CTNND2: variants seen among roughly 807,000 people sequenced by gnomAD.
The protein encoded by CTNND2 is catenin delta-2.
A neutral mutation model predicts 144.4 loss-of-function variants in CTNND2; 22 were observed. The observed-to-expected ratio is 0.15, with a 90% CI of 0.11 to 0.22. The LOEUF (loss-of-function observed/expected upper bound fraction) is 0.22. Among genes scored for constraint, CTNND2 ranks in the 10% least tolerant of loss-of-function variants. CTNND2 has a pLI of 1.00. For missense variants in CTNND2, 1,353 were observed against 1,618.8 expected (o/e 0.84, Z 2.82); for synonymous variants, 751 against 695.6 (o/e 1.08, Z -1.25).
intron 3 of CTNND2, among the ~76,000 whole-genome samples, chr5:11,522,912 G>A (rs539436896): frequency 5.3e-5 from 8 of 152,296 alleles, no homozygotes; most frequent in African/African-American, 1.7e-4. Context: ...GCACCCATGC[G>A]TTTGAATTAC....
intron 11 of CTNND2, among the ~76,000 whole-genome samples, chr5:11,171,404 A>G (rs1373969001): frequency 6.6e-6 from 1 of 152,208 alleles, no homozygotes; most frequent in Non-Finnish European, 1.5e-5. Context: ...ATCACTGGAT[A>G]ATAATATTAA....
Position 11,674,714 on chromosome 5 carries a change from T to TG in CTNND2, c.174+57421dup, listed in dbSNP as rs1784079355. Among the ~76,000 whole-genome samples the TG allele has an allele frequency of 7.4e-5, 11 of 148,692 alleles. No homozygotes were observed. In the East Asian group the frequency reaches 7.8e-4, roughly 11 times the overall value. On this transcript the variant is annotated intron_variant, in intron 2 of 21. Transcript: ENST00000304623. ...TGCATATGCAGTTTTTTTGTTTGTT[T>TG]GTTTGGTTGGTTGGTTGGTTGGTTG...
chr5:11,027,806 C>G (rs16901211), intron 16 of CTNND2, among the ~76,000 whole-genome samples: 2,899 of 152,238 alleles, frequency 0.019, 60 homozygotes, highest in East Asian at 0.13. Context: ...ACCTAACAAA[C>G]CATGTTGCCC....
chr5:11,336,678 A>T (rs1753755639), intron 9 of CTNND2, among the ~76,000 whole-genome samples: 1 of 152,224 alleles, frequency 6.6e-6, no homozygotes, highest in Admixed American at 6.5e-5. Context: ...GTTTATACAC[A>T]TGTGTACACA....
chr5:11,196,708 G>A (rs1240272194), intron 11 of CTNND2, among the ~76,000 whole-genome samples: 1 of 152,116 alleles, frequency 6.6e-6, no homozygotes, highest in African/African-American at 2.4e-5. Flanking sequence ...CCCAAAATGT[G>A]GACATGTTTG....
At chr5:11,878,287 A>G (rs1281626994) in intron 1 of CTNND2, among the ~76,000 whole-genome samples, 2 of 152,288 alleles carry the variant, frequency 1.3e-5, no homozygotes, top group East Asian at 1.9e-4. Flanking sequence ...TCTGATCCCT[A>G]AAGAATTTCT....
chr5:11,486,891 T>G (rs1768883961), intron 3 of CTNND2, among the ~76,000 whole-genome samples: 1 of 152,194 alleles, frequency 6.6e-6, no homozygotes, highest in Non-Finnish European at 1.5e-5. Context: ...TGCTGCTAAA[T>G]AGTTTGAAAT....
At chr5:11,718,126 C>T (rs1786458970) in intron 2 of CTNND2, among the ~76,000 whole-genome samples, 1 of 152,058 alleles carries the variant, frequency 6.6e-6, no homozygotes, top group Admixed American at 6.6e-5. Context: ...TTTCAATATT[C>T]GTATTTGTAG....
chr5:10,986,598 C>T (rs1453168463), intron 20 of CTNND2: 40 of 435,994 alleles, frequency 9.2e-5, no homozygotes, highest in South Asian at 5.8e-4. Flanking sequence ...TTCATCTACG[C>T]GGCAACATGT....
chr5:11,483,423 T>C (rs565529313), intron 3 of CTNND2, among the ~76,000 whole-genome samples: 110 of 152,262 alleles, frequency 7.2e-4, no homozygotes, highest in Non-Finnish European at 1.1e-3. Context: ...GCTGTGCAGT[T>C]CAAAGGAGAA....
At chr5:11,757,117 A>G (rs1048609679) in intron 1 of CTNND2, among the ~76,000 whole-genome samples, 3 of 151,804 alleles carry the variant, frequency 2.0e-5, no homozygotes, top group African/African-American at 7.3e-5. Context: ...CTATCAATTT[A>G]CATATATATG....
intron 18 of CTNND2, among the ~76,000 whole-genome samples, chr5:10,997,193 G>A (rs1181172515): frequency 6.6e-6 from 1 of 152,136 alleles, no homozygotes; most frequent in Non-Finnish European, 1.5e-5. Flanking sequence ...TCCTCCGGAG[G>A]GTGGAGGCAA....
At chr5:11,309,544 G>T (rs1465211712) in intron 9 of CTNND2, among the ~76,000 whole-genome samples, 1 of 152,208 alleles carries the variant, frequency 6.6e-6, no homozygotes, top group Non-Finnish European at 1.5e-5. Flanking sequence ...GATCTTGGAA[G>T]TAACTAACTT....
chr5:11,014,251 GACA>G (rs1183517306), intron 18 of CTNND2, among the ~76,000 whole-genome samples: 1 of 152,056 alleles, frequency 6.6e-6, no homozygotes, highest in Non-Finnish European at 1.5e-5. Flanking sequence ...CAGCCATCCT[GACA>G]GTTCCCCAAC....
intron 3 of CTNND2, among the ~76,000 whole-genome samples, chr5:11,488,004 G>A (rs569101670): frequency 6.6e-6 from 1 of 152,306 alleles, no homozygotes; most frequent in South Asian, 2.1e-4. Context: ...GGAAGATGCA[G>A]CAGATGCTGC....
chr5:11,251,501 GA>G (rs1415616902), intron 9 of CTNND2, among the ~76,000 whole-genome samples: 1 of 152,172 alleles, frequency 6.6e-6, no homozygotes, highest in African/African-American at 2.4e-5. Context: ...TTTTGAAACT[GA>G]ACTAATGGGA....
intron 10 of CTNND2, among the ~76,000 whole-genome samples, chr5:11,236,328 G>A (rs1207942394): frequency 2.0e-5 from 3 of 152,162 alleles, no homozygotes; most frequent in Admixed American, 2.0e-4. Flanking sequence ...GTAATTTGGA[G>A]ATAACAATTG....
intron 2 of CTNND2, among the ~76,000 whole-genome samples, chr5:11,607,425 T>C (rs770587630): frequency 1.3e-5 from 2 of 152,164 alleles, no homozygotes; most frequent in Non-Finnish European, 2.9e-5. Context: ...GATGAAAATA[T>C]GGCAAGAAAA....
chr5:11,495,101 A>T (rs1769805994), intron 3 of CTNND2, among the ~76,000 whole-genome samples: 1 of 152,162 alleles, frequency 6.6e-6, no homozygotes, highest in Non-Finnish European at 1.5e-5. Flanking sequence ...TTACGAAATC[A>T]TTTTGCCACA....
Sources: allele counts gnomAD v4.1 joint callset (sites outside exome capture counted in the v4.1 genomes callset), GRCh38; gene constraint gnomAD v4.1.1; transcripts MANE v1.5; gene names NCBI Gene and HGNC (gene_info 2026-07-23, HGNC 2026-07-21).